AK5: variants seen among roughly 807,000 people sequenced by gnomAD.
AK5 encodes the protein adenylate kinase isoenzyme 5.
A neutral mutation model predicts 69.5 loss-of-function variants in AK5; 27 were observed. The observed-to-expected ratio is 0.39, with a 90% CI of 0.29 to 0.54. The LOEUF is 0.54. AK5 is among the 20% of genes least tolerant of loss of function. The pLI is 0.71. For missense variants in AK5, 531 were observed against 700.4 expected (o/e 0.76, Z 2.73); for synonymous variants, 260 against 244.4 (o/e 1.06, Z -0.60).
At chr1:77,368,245 A>ATAT (rs1553140333) in intron 6 of AK5, among the ~76,000 whole-genome samples, 7,270 of 67,870 alleles carry the variant, frequency 0.11, 1,170 homozygotes, top group East Asian at 0.37. Context: ...ATATATATAT[A>ATAT]TATATATAAT....
At position 77,287,094 on chromosome 1, in the gene AK5, G is replaced by A; in HGVS notation, c.214G>A (p.Gly72Arg). 6.2e-7 allele frequency: 1 copy of A among 1,601,084 alleles called. No individual in the cohort carries two copies. Among genetic ancestry groups the A allele is most frequent in the South Asian group, 1.1e-5 (1 of 88,878 alleles). The change falls in exon 2 of 14, where the codon GGA (glycine) becomes AGA (arginine). Residue 72 changes from glycine to arginine, a missense_variant. Gly to Arg is a moderately radical substitution (Grantham distance 125). Coordinates refer to ENST00000354567, the MANE Select transcript of AK5 (RefSeq NM_174858.3). ...AAAGAAGACCTTACCTCCACTAAAT[G>A]GAGGACAGTCACGGAGATCCTTTCT... ...QEKKTLPPLN[G>R]GQSRRSFLRN...
At chr1:77,493,534 C>T (rs1199984298) in intron 10 of AK5, among the ~76,000 whole-genome samples, 1 of 151,998 alleles carries the variant, frequency 6.6e-6, no homozygotes, top group African/African-American at 2.4e-5. Context: ...GCTTCTGTTT[C>T]TCTGGAGAAC....
At chr1:77,546,384 C>T (rs778323497) in intron 13 of AK5, among the ~76,000 whole-genome samples, 1 of 152,146 alleles carries the variant, frequency 6.6e-6, no homozygotes, top group African/African-American at 2.4e-5. Flanking sequence ...CAGACATTTA[C>T]TGGGCATCTC....
chr1:77,305,949 C>A (rs1659611173), intron 5 of AK5, among the ~76,000 whole-genome samples: 1 of 151,718 alleles, frequency 6.6e-6, no homozygotes, highest in Non-Finnish European at 1.5e-5. Context: ...GATATTTTGA[C>A]AATATTGATT....
intron 10 of AK5, among the ~76,000 whole-genome samples, chr1:77,512,539 T>G (rs942702444): frequency 9.3e-6 from 1 of 107,450 alleles, no homozygotes; most frequent in African/African-American, 4.1e-5. Context: ...TTCAGAGACT[T>G]TTTTTTTATT....
chr1:77,411,201 G>A (rs1650023051), intron 7 of AK5, 130 bp downstream of exon 7: 8 of 707,968 alleles, frequency 1.1e-5, no homozygotes, highest in Non-Finnish European at 1.8e-5. Context: ...TATACTTTCT[G>A]GTATAAAAAT....
chr1:77,363,719 A>G (rs866563140), intron 6 of AK5, among the ~76,000 whole-genome samples: 22 of 152,066 alleles, frequency 1.4e-4, no homozygotes, highest in African/African-American at 3.4e-4. Flanking sequence ...CTCTGCTTCC[A>G]TGCTGTGCCC....
chr1:77,517,129 G>T (rs1369010577), intron 10 of AK5, among the ~76,000 whole-genome samples: 1 of 151,884 alleles, frequency 6.6e-6, no homozygotes, highest in Admixed American at 6.6e-5. Context: ...GGTAAAGTCG[G>T]ACTAGATTCT....
intron 5 of AK5, among the ~76,000 whole-genome samples, chr1:77,298,437 G>A (rs951093382): frequency 1.3e-5 from 2 of 151,676 alleles, no homozygotes; most frequent in Non-Finnish European, 2.9e-5. Context: ...TGTTTTAAAG[G>A]AAAATAAATC....
At chr1:77,474,652 C>T (rs929817864) in intron 8 of AK5, among the ~76,000 whole-genome samples, 5 of 152,136 alleles carry the variant, frequency 3.3e-5, no homozygotes, top group Non-Finnish European at 5.9e-5. Context: ...GTTGTCAGTC[C>T]CTTAAGCTCT....
chr1:77,283,277 C>G (rs1396897651), intron 1 of AK5: 1 of 985,320 alleles, frequency 1.0e-6, no homozygotes, highest in African/African-American at 1.7e-5. Flanking sequence ...ATCTCAAGTG[C>G]TTTTGCTTGA....
Position 77,367,229 on chromosome 1 carries a change from G to T in AK5, c.891+26661G>T, listed in dbSNP as rs557417950. The stretch of plus-strand genomic sequence containing the variant: ...GTGTTTCAGATTTGGGGTTTTTTTT[G>T]GGGGGAGGGTGGGATTTTGGATAAT... On this transcript the variant is annotated intron_variant, in intron 6 of 13. Transcript: ENST00000354567. 1.9e-4 allele frequency among the ~76,000 whole-genome samples: 29 copies of T among 151,752 alleles called. No homozygotes were observed. The East Asian group carries it at 4.5e-3, about 23-fold the overall frequency.
At chr1:77,425,086 T>C (rs1282255063) in intron 8 of AK5, among the ~76,000 whole-genome samples, 1 of 152,128 alleles carries the variant, frequency 6.6e-6, no homozygotes, top group Non-Finnish European at 1.5e-5. Flanking sequence ...TTCAGAAACT[T>C]TGCATGCAGG....
At chr1:77,336,167 C>T (rs568818997) in intron 5 of AK5, among the ~76,000 whole-genome samples, 2 of 151,410 alleles carry the variant, frequency 1.3e-5, no homozygotes, top group South Asian at 2.1e-4. Flanking sequence ...CTGCAACCTC[C>T]GCCTCCCGGG....
chr1:77,423,127 A>G (rs1359318876), intron 8 of AK5, among the ~76,000 whole-genome samples: 2 of 150,846 alleles, frequency 1.3e-5, no homozygotes, highest in Admixed American at 1.3e-4. Context: ...AGGCTGAGGC[A>G]GGAGAATGGC....
intron 7 of AK5, among the ~76,000 whole-genome samples, chr1:77,416,589 G>A (rs985262283): frequency 4.6e-5 from 7 of 151,976 alleles, no homozygotes; most frequent in African/African-American, 1.7e-4. Flanking sequence ...TAGACAGCAG[G>A]GACAATGATA....
intron 8 of AK5, among the ~76,000 whole-genome samples, chr1:77,477,110 C>A (rs564108947): frequency 4.1e-4 from 62 of 152,058 alleles, no homozygotes; most frequent in African/African-American, 1.5e-3. Flanking sequence ...TTACTGCAGC[C>A]TCAACCTCCT....
intron 10 of AK5, among the ~76,000 whole-genome samples, chr1:77,512,195 G>A (rs928821084): frequency 6.6e-5 from 10 of 152,238 alleles, no homozygotes; most frequent in Non-Finnish European, 1.0e-4. Context: ...AACTAGATAC[G>A]TATATCTTCA....
intron 13 of AK5, among the ~76,000 whole-genome samples, chr1:77,542,533 C>T (rs887651058): frequency 1.3e-5 from 2 of 152,022 alleles, no homozygotes; most frequent in African/African-American, 4.8e-5. Flanking sequence ...CAAGGAATAC[C>T]CAGAGAGAAG....
Sources: gnomAD v4.1 joint callset for allele counts (sites outside exome capture counted in the v4.1 genomes callset) on GRCh38, gnomAD v4.1.1 for gene constraint, MANE v1.5 for transcripts, NCBI Gene and HGNC (gene_info 2026-07-23, HGNC 2026-07-21) for gene names.